Variants in ZNF821 observed in about 807,000 individuals in gnomAD.
ZNF821 encodes zinc finger protein 821.
In ZNF821, 16 loss-of-function variants were observed where a neutral mutation model predicts 44.3. The ratio of observed to expected loss-of-function variants is 0.36; its 90% CI spans 0.24 to 0.55. The LOEUF (loss-of-function observed/expected upper bound fraction) is 0.55. Ranked by LOEUF, ZNF821 falls within the 20% of genes least tolerant of loss-of-function variation. The probability of loss-of-function intolerance (pLI) is 0.86; values close to 1 mark genes in which losing one functional copy is unlikely to be tolerated. For synonymous variants in ZNF821, 204 were observed against 197.6 expected (o/e 1.03, Z -0.27); for missense variants, 436 against 547.6 (o/e 0.80, Z 2.03).
chr16:71,873,865 C>T (rs2035499474), intron 3 of ZNF821, among the ~76,000 whole-genome samples: 1 of 151,786 alleles, frequency 6.6e-6, no homozygotes, highest in East Asian at 1.9e-4. Flanking sequence ...GTTGCCCAAG[C>T]TGGTCTCGAA....
upstream of ZNF821, chr16:71,885,394 T>C (rs1281298883): frequency 6.6e-6 from 1 of 152,276 alleles, no homozygotes; most frequent in African/African-American, 2.4e-5. Flanking sequence ...ACTTCCCTGT[T>C]CTGAGCCTCT....
rs2033704566 is a variant in ZNF821 at position 71,860,405 on chromosome 16, C to T, written c.852G>A (p.Arg284=). 2 of 1,612,824 alleles carry T rather than the reference C, an allele frequency of 1.2e-6. No individual in the cohort carries two copies. The highest frequency in any genetic ancestry group is 1.7e-6 in the Non-Finnish European group (2 of 1,180,026). ...LERERTAKKS[R]RDNETPEERE... is the part of the protein sequence containing the mutation. Reference sequence around the variant, plus strand: ...GCTCCTCGGGGGTCTCATTGTCCCGCCGGCTCTTCTTGGCCGTGCGCTCTC... The same window carrying T: ...GCTCCTCGGGGGTCTCATTGTCCCGTCGGCTCTTCTTGGCCGTGCGCTCTC... Residue 284 remains arginine (R), a synonymous_variant, in exon 8 of 8, where the codon CGG becomes CGA. Coordinates refer to ENST00000425432, the MANE Select transcript of ZNF821 (RefSeq NM_001201552.2). This position sits in a 1 kb window ranked among gnomAD's most constrained non-coding sequence, Gnocchi z 7.3.
At chr16:71,879,637 G>A (rs2036215541) in intron 3 of ZNF821, among the ~76,000 whole-genome samples, 1 of 152,104 alleles carries the variant, frequency 6.6e-6, no homozygotes. Context: ...GTTTGTTAAT[G>A]TGATATTAAA....
chr16:71,885,582 A>G (rs554782139), upstream of ZNF821, among the ~76,000 whole-genome samples: 2 of 152,314 alleles, frequency 1.3e-5, no homozygotes, highest in East Asian at 3.9e-4. Context: ...ATAAAGTGAC[A>G]AGTCCTGGTA....
At chr16:71,886,088 A>T, upstream of ZNF821, among the ~76,000 whole-genome samples, 1 of 152,224 alleles carries the variant, frequency 6.6e-6, no homozygotes, top group Non-Finnish European at 1.5e-5. Flanking sequence ...CATTATTATT[A>T]TGTAATGTTG....
At chr16:71,861,751 C>G (rs1341326578) in intron 7 of ZNF821, 25 bp downstream of exon 7, 1 of 1,612,646 alleles carries the variant, frequency 6.2e-7, no homozygotes, top group Non-Finnish European at 8.5e-7. Flanking sequence ...GCTCCCAGCA[C>G]AACAGGGATA....
chr16:71,882,889 T>C (rs1035917351), intron 2 of ZNF821, among the ~76,000 whole-genome samples: 7 of 152,204 alleles, frequency 4.6e-5, no homozygotes, highest in African/African-American at 1.4e-4. Context: ...TTTGTTTTAC[T>C]TTTAACACTG....
chr16:71,883,634 G>C (rs1361508769), intron 1 of ZNF821: 1 of 152,400 alleles, frequency 6.6e-6, no homozygotes, highest in Non-Finnish European at 1.5e-5. Flanking sequence ...GCCGGGGCCC[G>C]AGGAGGCGGG....
intron 1 of ZNF821, chr16:71,883,647 G>GCCCGCGGCCCGCGCAAAAGC (rs2036664948): frequency 6.6e-6 from 1 of 152,292 alleles, no homozygotes; most frequent in African/African-American, 2.4e-5. Context: ...GAGGCGGGGT[G>GCCCGCGGCCCGCGCAAAAGC]CCCGCGGCCC....
intron 3 of ZNF821, among the ~76,000 whole-genome samples, chr16:71,868,447 A>G (rs2034801627): frequency 6.6e-6 from 1 of 152,212 alleles, no homozygotes; most frequent in African/African-American, 2.4e-5. Context: ...ATGTATTAGC[A>G]TTATGGTCTT....
intron 3 of ZNF821, among the ~76,000 whole-genome samples, chr16:71,872,657 T>C (rs1013795332): frequency 1.3e-5 from 2 of 152,150 alleles, no homozygotes; most frequent in South Asian, 4.2e-4. Context: ...TCAGGAAAAA[T>C]GAGCTAGTAT....
intron 2 of ZNF821, 161 bp downstream of exon 2, chr16:71,883,050 G>C (rs1039903373): frequency 2.2e-6 from 1 of 452,984 alleles, no homozygotes; most frequent in Admixed American, 2.4e-5. Flanking sequence ...TCTGTCTTCA[G>C]AGCAAGGTTA....
rs202046154 is a variant in ZNF821, at chr16:71,864,909, C to T, written c.306G>A (p.Glu102=). 3.0e-5 allele frequency: 48 copies of T among 1,614,040 alleles called. No homozygotes were observed. The highest frequency in any genetic ancestry group is 4.0e-5 in the Non-Finnish European group (47 of 1,180,022). The stretch of plus-strand genomic sequence containing the variant: ...AGGGGCCATCGTCACTTGCCTCGTG[C>T]TCTACCACTTCGTTCCCACCAACAG... ...EQPVGGNEVV[E]HEVTGNLNSD... is the part of the protein sequence containing the mutation. The change falls in exon 5 of 8, where the codon GAG becomes GAA. Residue 102 remains glutamate (E), a synonymous_variant. Coordinates refer to ENST00000425432, the MANE Select transcript of ZNF821 (RefSeq NM_001201552.2).
chr16:71,888,292 T>G (rs1470505925), upstream of ZNF821, among the ~76,000 whole-genome samples: 2 of 152,224 alleles, frequency 1.3e-5, no homozygotes, highest in Non-Finnish European at 2.9e-5. Context: ...ATATGAAGTC[T>G]AATTTATTTT....
chr16:71,873,321 CA>C (rs71153677), intron 3 of ZNF821, among the ~76,000 whole-genome samples: 44 of 132,758 alleles, frequency 3.3e-4, no homozygotes, highest in South Asian at 7.3e-4. Context: ...GATGCTGTCT[CA>C]AAAAAAAAAA....
intron 3 of ZNF821, among the ~76,000 whole-genome samples, chr16:71,872,341 C>T (rs1370064278): frequency 6.6e-6 from 1 of 150,978 alleles, no homozygotes; most frequent in Non-Finnish European, 1.5e-5. Context: ...AGGCCGGGCG[C>T]GGTGGCTCAC....
Position 71,859,950 on chromosome 16 carries a change from T to G in ZNF821, c.*68A>C. On this transcript the variant is annotated 3_prime_UTR_variant, in exon 8 of 8. Transcript: ENST00000425432. ...GCCTCGTGGGTGGCAGCAGCACTGG[T>G]CCTCGTGGCTGTGGGTGTGGGTGGG... 5.6e-6 allele frequency: 8 copies of G among 1,438,912 alleles called. No individual in the cohort carries two copies. The highest frequency in any genetic ancestry group is 7.3e-6 in the Non-Finnish European group (8 of 1,097,718). The allele number at this position is 1,438,912 out of a possible 1,614,324, so 89.1% of individuals were successfully genotyped here.
rs572277950 is a variant in ZNF821 at position 71,860,397 on chromosome 16, T to C, written c.860A>G (p.Asn287Ser). The C allele has an allele frequency of 3.7e-5, 59 of 1,612,534 alleles. No homozygotes were observed. Among genetic ancestry groups the C allele is most frequent in the East Asian group, 2.7e-4 (12 of 44,876 alleles). Residue 287 changes from asparagine to serine, a missense_variant, in exon 8 of 8, where the codon AAT becomes AGT. Physicochemically the swap from Asn to Ser is conservative, Grantham distance 46. This residue lies in a region of ZNF821 where 72 missense variants were observed against 133.3 expected (regional missense o/e 0.54). Transcript: ENST00000425432. The surrounding 1 kb of genome is among the most constrained non-coding windows in gnomAD (Gnocchi z 7.3). ...ERTAKKSRRD[N>S]ETPEEREVRR... The stretch of plus-strand genomic sequence containing the variant: ...CACCTCCCGCTCCTCGGGGGTCTCA[T>C]TGTCCCGCCGGCTCTTCTTGGCCGT...
At chr16:71,861,073 C>G (rs1280149353) in intron 7 of ZNF821, among the ~76,000 whole-genome samples, 1 of 152,140 alleles carries the variant, frequency 6.6e-6, no homozygotes, top group African/African-American at 2.4e-5. Flanking sequence ...TCAGGCTGGT[C>G]TCAAACTCCT....
Sources: allele counts gnomAD v4.1 joint callset (sites outside exome capture counted in the v4.1 genomes callset), GRCh38; gene constraint gnomAD v4.1.1; regional missense constraint gnomAD v4.1.1; non-coding constraint Gnocchi (gnomAD v3.1); transcripts MANE v1.5; gene names NCBI Gene and HGNC (gene_info 2026-07-23, HGNC 2026-07-21).